The following MINAR1 variants were observed in gnomAD, a reference collection of about 807,000 sequenced individuals.
MINAR1 encodes the protein membrane integral NOTCH2 associated receptor 1.
Under a neutral mutation model 65.1 loss-of-function variants are expected in MINAR1, and 40 were observed. That is an observed-to-expected ratio of 0.61 (90% CI 0.48 to 0.80). The LOEUF is 0.80. Among genes scored for constraint, MINAR1 ranks in the 30% least tolerant of loss-of-function variants. The pLI is 0.00. For missense variants in MINAR1, 1,128 were observed against 1,148.0 expected (o/e 0.98, Z 0.25); for synonymous variants, 482 against 449.1 (o/e 1.07, Z -0.93).
At chr15:79,460,620 A>G (rs1277162584) in intron 2 of MINAR1, among the ~76,000 whole-genome samples, 1 of 151,174 alleles carries the variant, frequency 6.6e-6, no homozygotes, top group African/African-American at 2.4e-5. Flanking sequence ...CTCACCTTCC[A>G]TCTCATCTCA....
At chr15:79,432,781 G>A (rs1402666480) in intron 1 of MINAR1, among the ~76,000 whole-genome samples, 1 of 152,312 alleles carries the variant, frequency 6.6e-6, no homozygotes, top group East Asian at 1.9e-4. Flanking sequence ...TGCGGGGCGG[G>A]GCCGCACCTG....
intron 1 of MINAR1, among the ~76,000 whole-genome samples, chr15:79,455,306 AT>A (rs1895375995): frequency 6.6e-6 from 1 of 152,212 alleles, no homozygotes; most frequent in Non-Finnish European, 1.5e-5. Context: ...TTATACCATT[AT>A]GATCTTATAC....
At chr15:79,419,609 C>T in the MINAR1 span, 1 of 152,194 alleles carries the variant, frequency 6.6e-6, no homozygotes, top group Non-Finnish European at 1.5e-5. Flanking sequence ...CTCCCTCCCC[C>T]AGACAGCACA....
intron 1 of MINAR1, among the ~76,000 whole-genome samples, chr15:79,433,841 C>A (rs1894521033): frequency 6.6e-6 from 1 of 152,148 alleles, no homozygotes; most frequent in Non-Finnish European, 1.5e-5. Context: ...TTTGAATTGA[C>A]CCTCATTGAG....
the MINAR1 span, chr15:79,413,789 A>C: frequency 1.3e-5 from 2 of 152,248 alleles, no homozygotes; most frequent in Non-Finnish European, 2.9e-5. Context: ...CCTTCATACC[A>C]ACCTCGTCAT....
intron 1 of MINAR1, among the ~76,000 whole-genome samples, chr15:79,435,615 G>A (rs1410851350): frequency 1.3e-5 from 2 of 152,328 alleles, no homozygotes; most frequent in South Asian, 2.1e-4. Context: ...TGCCTGGCAT[G>A]TAAGTAGGTG....
chr15:79,435,924 A>G (rs2141274383), intron 1 of MINAR1, among the ~76,000 whole-genome samples: 1 of 152,378 alleles, frequency 6.6e-6, no homozygotes, highest in Middle Eastern at 3.4e-3. Context: ...TTCTGGGCAC[A>G]TGGTAAGATT....
At chr15:79,453,156 C>G (rs1895293513) in intron 1 of MINAR1, among the ~76,000 whole-genome samples, 1 of 152,062 alleles carries the variant, frequency 6.6e-6, no homozygotes, top group Non-Finnish European at 1.5e-5. Flanking sequence ...TGGGGAATGT[C>G]CGTGCCCCCC....
At position 79,457,276 on chromosome 15, in the gene MINAR1, C is replaced by T; in HGVS notation, c.1129C>T (p.Pro377Ser). The change falls in exon 2 of 4, where the codon CCT (proline) becomes TCT (serine). Residue 377 changes from proline (P) to serine (S), a missense_variant. By Grantham distance (74) the Pro-to-Ser change is moderately conservative (BLOSUM62 -1). Transcript: ENST00000305428. Reference protein sequence around the residue: ...KSWSLNTEEVPDFERSFFNRN... With the variant: ...KSWSLNTEEVSDFERSFFNRN... ...CTGGAGCCTAAACACAGAGGAAGTTCCTGACTTTGAACGGTCCTTTTTCAA... is the reference window on the plus strand; with the variant it reads ...CTGGAGCCTAAACACAGAGGAAGTTTCTGACTTTGAACGGTCCTTTTTCAA... 1 of 1,614,186 alleles carries T rather than the reference C, an allele frequency of 6.2e-7. No individual in the cohort carries two copies. The highest frequency in any genetic ancestry group is 8.5e-7 in the Non-Finnish European group (1 of 1,180,046).
the MINAR1 span, chr15:79,413,595 G>A: frequency 6.6e-6 from 1 of 152,256 alleles, no homozygotes; most frequent in Non-Finnish European, 1.5e-5. Flanking sequence ...TAGTAGTGCT[G>A]AAGGTGTGTT....
intron 3 of MINAR1, among the ~76,000 whole-genome samples, chr15:79,465,050 C>T (rs192325420): frequency 6.6e-6 from 1 of 152,232 alleles, no homozygotes; most frequent in African/African-American, 2.4e-5. Context: ...GCTTTTACTG[C>T]ACCAGTGTTT....
chr15:79,444,608 G>C (rs953698036), intron 1 of MINAR1, among the ~76,000 whole-genome samples: 1 of 151,822 alleles, frequency 6.6e-6, no homozygotes, highest in Non-Finnish European at 1.5e-5. Flanking sequence ...ATAGTTTATA[G>C]TTTTGATATG....
intron 1 of MINAR1, among the ~76,000 whole-genome samples, chr15:79,439,669 C>T (rs1308714855): frequency 1.3e-5 from 2 of 151,822 alleles, no homozygotes; most frequent in Non-Finnish European, 2.9e-5. Context: ...TACTGCTGCT[C>T]CCCTTCCTCT....
rs1419602690 is a variant in MINAR1, at chr15:79,458,081, A to G, written c.1934A>G (p.Asp645Gly). ...QQPEKVSVQIDLNSLTSEGPS... is the reference protein window; with the variant it reads ...QQPEKVSVQIGLNSLTSEGPS... ...CCTGAGAAGGTGAGTGTGCAGATAG[A>G]TCTGAACTCCTTGACAAGCGAGGGT... Residue 645 changes from aspartate to glycine, a missense_variant, in exon 2 of 4, where the codon GAT (aspartate) becomes GGT (glycine). By Grantham distance (94) the Asp-to-Gly change is moderately conservative. Coordinates refer to ENST00000305428, the MANE Select transcript of MINAR1 (RefSeq NM_015206.3). 2.5e-6 allele frequency: 4 copies of G among 1,614,048 alleles called. No homozygotes were observed. The highest frequency in any genetic ancestry group is 3.4e-6 in the Non-Finnish European group (4 of 1,180,046).
the MINAR1 span, chr15:79,424,048 T>A: frequency 3.9e-5 from 6 of 152,224 alleles, no homozygotes; most frequent in African/African-American, 1.2e-4. Context: ...AGCTGGTAGA[T>A]AATTTTGGAT....
chr15:79,424,609 T>C, the MINAR1 span: 1 of 152,232 alleles, frequency 6.6e-6, no homozygotes, highest in African/African-American at 2.4e-5. Context: ...TAAAATTGCA[T>C]GAAAGTACAG....
At chr15:79,411,533 T>G in the MINAR1 span, 1 of 699,816 alleles carries the variant, frequency 1.4e-6, no homozygotes, top group Non-Finnish European at 2.6e-6. Context: ...GCACTGAGAG[T>G]GGATGGAGGG....
chr15:79,422,338 G>T, the MINAR1 span: 1 of 152,222 alleles, frequency 6.6e-6, no homozygotes. Context: ...GATCACCTGA[G>T]TTGGGAGTTC....
At position 79,457,890 on chromosome 15, in the gene MINAR1, G is replaced by T; in HGVS notation, c.1743G>T (p.Arg581=). The change falls in exon 2 of 4, where the codon CGG becomes CGT. Residue 581 remains arginine (R), a synonymous_variant. Coordinates refer to ENST00000305428, the MANE Select transcript of MINAR1 (RefSeq NM_015206.3). Reference sequence around the variant, plus strand: ...ACAGCAAGGGAGACAAGGGCAACCGGCCTGAAAACACCCACCACTCGGAAG... The same window carrying T: ...ACAGCAAGGGAGACAAGGGCAACCGTCCTGAAAACACCCACCACTCGGAAG... ...VPNSKGDKGN[R]PENTHHSEEE... The T allele has an allele frequency of 6.2e-7, 1 of 1,614,090 alleles. No homozygotes were observed. Among genetic ancestry groups the T allele is most frequent in the Non-Finnish European group, 8.5e-7 (1 of 1,180,034 alleles).
Sources: allele counts gnomAD v4.1 joint callset (sites outside exome capture counted in the v4.1 genomes callset), GRCh38; gene constraint gnomAD v4.1.1; transcripts MANE v1.5; gene names NCBI Gene and HGNC (gene_info 2026-07-23, HGNC 2026-07-21).